The following TRAF3 variants were observed in gnomAD, a reference collection of about 807,000 sequenced individuals.
The protein encoded by TRAF3 is TNF receptor associated factor 3.
Under a neutral mutation model 62.3 loss-of-function variants are expected in TRAF3, and 13 were observed. The observed-to-expected ratio is 0.21, with a 90% CI of 0.14 to 0.33. The LOEUF (loss-of-function observed/expected upper bound fraction) is 0.33. Ranked by LOEUF, TRAF3 falls within the 10% of genes least tolerant of loss-of-function variation. TRAF3 has a pLI of 1.00. For synonymous variants in TRAF3, 269 were observed against 283.4 expected (o/e 0.95, Z 0.51); for missense variants, 440 against 741.8 (o/e 0.59, Z 4.73).
intron 1 of TRAF3, among the ~76,000 whole-genome samples, chr14:102,803,351 G>A (rs1368488903): frequency 6.6e-6 from 1 of 152,136 alleles, no homozygotes; most frequent in Non-Finnish European, 1.5e-5. Flanking sequence ...AGGTGGGGTG[G>A]TGGCTAAGGG....
At chr14:102,798,586 G>C (rs1898224722) in intron 1 of TRAF3, among the ~76,000 whole-genome samples, 1 of 151,488 alleles carries the variant, frequency 6.6e-6, no homozygotes, top group Non-Finnish European at 1.5e-5. Context: ...GTTGTGGTGA[G>C]CTGAGATCGC....
rs909251370 is a variant in TRAF3 at position 102,826,097 on chromosome 14, C to T, written c.-156-4237C>T. ...CTGTAACTCGAATCCCTCCCACCCC[C>T]GTGAGGTAACAACGTCTTTTCCAGT... is the stretch of plus-strand genomic sequence containing the variant. On this transcript the variant is annotated intron_variant, in intron 1 of 11. Coordinates refer to ENST00000392745, the MANE Select transcript of TRAF3 (RefSeq NM_145725.3). This position sits in a 1 kb window ranked among gnomAD's most constrained non-coding sequence, Gnocchi z 4.6. 5.3e-5 allele frequency among the ~76,000 whole-genome samples: 8 copies of T among 152,202 alleles called. No homozygotes were observed. The highest frequency in any genetic ancestry group is 1.4e-4 in the African/African-American group (6 of 41,448).
At chr14:102,818,546 C>T (rs1350677526) in intron 1 of TRAF3, among the ~76,000 whole-genome samples, 1 of 152,156 alleles carries the variant, frequency 6.6e-6, no homozygotes, top group African/African-American at 2.4e-5. Flanking sequence ...CCACTTACTT[C>T]CCTTCACACT....
intron 10 of TRAF3, among the ~76,000 whole-genome samples, chr14:102,902,271 G>T (rs1174326031): frequency 6.6e-6 from 1 of 152,206 alleles, no homozygotes; most frequent in African/African-American, 2.4e-5. Flanking sequence ...GGAGGGGGAA[G>T]ACCCCTGCGT....
At chr14:102,836,616 G>A (rs73361266) in intron 2 of TRAF3, among the ~76,000 whole-genome samples, 10,327 of 152,244 alleles carry the variant, frequency 0.068, 1,140 homozygotes, top group African/African-American at 0.23. Context: ...ACTTAGGAGA[G>A]TTTGTACTAG....
At chr14:102,814,967 G>A (rs1453642916) in intron 1 of TRAF3, among the ~76,000 whole-genome samples, 3 of 151,860 alleles carry the variant, frequency 2.0e-5, no homozygotes, top group Non-Finnish European at 2.9e-5. Context: ...ACAGAATCTC[G>A]CACTGTTGGC....
At chr14:102,802,591 G>A (rs1321375922) in intron 1 of TRAF3, among the ~76,000 whole-genome samples, 1 of 151,762 alleles carries the variant, frequency 6.6e-6, no homozygotes, top group Non-Finnish European at 1.5e-5. Flanking sequence ...CACTTTGGGA[G>A]GTCGAGGTGG....
At chr14:102,864,315 A>C (rs1302872348) in intron 2 of TRAF3, among the ~76,000 whole-genome samples, 1 of 151,596 alleles carries the variant, frequency 6.6e-6, no homozygotes, top group East Asian at 1.9e-4. Flanking sequence ...CGCCCGGCTA[A>C]TTTTTTGTAT....
At chr14:102,871,286 TAGTC>T (rs1888328683) in intron 3 of TRAF3, among the ~76,000 whole-genome samples, 2 of 152,218 alleles carry the variant, frequency 1.3e-5, no homozygotes, top group African/African-American at 2.4e-5. Flanking sequence ...TCATCCCAAA[TAGTC>T]AGCTAACCTT....
intron 2 of TRAF3, among the ~76,000 whole-genome samples, chr14:102,851,922 G>T (rs1294140739): frequency 6.6e-6 from 1 of 151,658 alleles, no homozygotes; most frequent in Non-Finnish European, 1.5e-5. Flanking sequence ...GGGTGTGGTG[G>T]TGCATGCCTG....
intron 1 of TRAF3, among the ~76,000 whole-genome samples, chr14:102,818,695 T>C (rs970336245): frequency 3.3e-5 from 5 of 152,206 alleles, no homozygotes; most frequent in African/African-American, 1.2e-4. Context: ...AGATTCCACA[T>C]ATAAATAAGA....
intron 2 of TRAF3, among the ~76,000 whole-genome samples, chr14:102,844,916 G>C (rs1223190910): frequency 6.7e-6 from 1 of 149,134 alleles, no homozygotes; most frequent in East Asian, 2.0e-4. Context: ...TGTTTTTTTT[G>C]AGACGGAGTC....
At chr14:102,822,605 C>G (rs1000092332) in intron 1 of TRAF3, among the ~76,000 whole-genome samples, 3 of 152,170 alleles carry the variant, frequency 2.0e-5, no homozygotes, top group African/African-American at 7.2e-5. Context: ...TGAGAACACA[C>G]TGAACTTTTG....
chr14:102,868,333 G>C (rs1446103705), intron 2 of TRAF3, among the ~76,000 whole-genome samples: 1 of 152,156 alleles, frequency 6.6e-6, no homozygotes, highest in Non-Finnish European at 1.5e-5. Context: ...AGGCAGCGGT[G>C]TTCCCTGAGG....
At chr14:102,837,142 G>T (rs11851871) in intron 2 of TRAF3, among the ~76,000 whole-genome samples, 49,759 of 130,734 alleles carry the variant, frequency 0.38, 10,945 homozygotes, top group African/African-American at 0.64. Context: ...GTGTGTGTGT[G>T]TTTTTTTTGG....
At chr14:102,871,223 C>T (rs1370584307) in intron 3 of TRAF3, among the ~76,000 whole-genome samples, 1 of 152,252 alleles carries the variant, frequency 6.6e-6, no homozygotes. Flanking sequence ...CCTGCCCTGT[C>T]ACCTGCCTTC....
intron 1 of TRAF3, among the ~76,000 whole-genome samples, chr14:102,800,291 C>T (rs1354426981): frequency 1.3e-5 from 2 of 152,222 alleles, no homozygotes; most frequent in Non-Finnish European, 2.9e-5. Flanking sequence ...AATGCAGTTT[C>T]CCAGGCCCTG....
chr14:102,856,813 C>T (rs368048112), intron 2 of TRAF3, among the ~76,000 whole-genome samples: 4 of 152,016 alleles, frequency 2.6e-5, no homozygotes, highest in Non-Finnish European at 5.9e-5. Context: ...CTGAATGGGG[C>T]GATGATATTC....
At chr14:102,865,271 C>T (rs12435483) in intron 2 of TRAF3, among the ~76,000 whole-genome samples, 22,443 of 152,016 alleles carry the variant, frequency 0.15, 2,136 homozygotes, top group East Asian at 0.34. Context: ...ACGGGGCTGC[C>T]GGCTGGGCTC....
Sources: gnomAD v4.1 joint callset for allele counts (sites outside exome capture counted in the v4.1 genomes callset) on GRCh38, gnomAD v4.1.1 for gene constraint, Gnocchi (gnomAD v3.1) non-coding constraint, MANE v1.5 for transcripts, NCBI Gene and HGNC (gene_info 2026-07-23, HGNC 2026-07-21) for gene names.